The following ANTXRL variants were observed in gnomAD, a reference collection of about 807,000 sequenced individuals.
ANTXRL encodes the protein anthrax toxin receptor-like.
Under a neutral mutation model 75.4 loss-of-function variants are expected in ANTXRL, and 63 were observed. That is an observed-to-expected ratio of 0.84 (90% confidence interval 0.68 to 1.03). The LOEUF is 1.03. Among genes scored for constraint, ANTXRL ranks in the 50% least tolerant of loss-of-function variants. The probability of loss-of-function intolerance (pLI) is 0.00; values close to 1 mark genes in which losing one functional copy is unlikely to be tolerated. For synonymous variants in ANTXRL, 335 were observed against 291.3 expected, an observed-to-expected ratio of 1.15 and a Z score of -1.53; for missense variants, 797 against 789.4, an observed-to-expected ratio of 1.01 and a Z score of -0.12.
intron 16 of ANTXRL, 136 bp downstream of exon 16, chr10:46,313,452 G>A (rs1320894708): frequency 3.4e-6 from 3 of 879,430 alleles, no homozygotes; most frequent in African/African-American, 3.3e-5. Context: ...ACACAGAAAC[G>A]GTGCCCATGG....
chr10:46,325,748 G>A (rs983949001), intron 16 of ANTXRL, among the ~76,000 whole-genome samples: 2 of 151,998 alleles, frequency 1.3e-5, no homozygotes, highest in Admixed American at 6.6e-5. Context: ...ATTTTTTCTG[G>A]AACAATCTTA....
chr10:46,292,387 G>C (rs72790440), intron 2 of ANTXRL, among the ~76,000 whole-genome samples: 25,422 of 151,822 alleles, frequency 0.17, 1,802 homozygotes, highest in Non-Finnish European at 0.19. Context: ...GACATCACAC[G>C]CTGGGAAGGG....
rs1839406988 is a variant in ANTXRL at position 46,329,814 on chromosome 10, G to C, written c.1626G>C (p.Glu542Asp). The C allele has an allele frequency of 6.5e-7, 1 of 1,533,090 alleles. No homozygotes were observed. Among genetic ancestry groups the C allele is most frequent in the South Asian group, 1.2e-5 (1 of 83,868 alleles). The allele number at this position is 1,533,090 out of a possible 1,614,324, so 95.0% of individuals were successfully genotyped here. A position where few individuals can be genotyped will look rare whatever the true frequency, so the allele number is the denominator to read the frequency against. ...ICLRHSQHSR[E>D]CLARKQAPCS... is the part of the protein sequence containing the mutation. ...TGAGACACAGCCAACACAGCAGGGA[G>C]TGCCTTGCCCGCAAACAGGCTCCCT... Residue 542 changes from glutamate (E) to aspartate (D), a missense_variant, in exon 17 of 17, where the codon GAG (glutamate) becomes GAC (aspartate). By Grantham distance (45) the Glu-to-Asp change is conservative. Transcript: ENST00000620264.
At chr10:46,314,175 C>T (rs1343040775) in intron 16 of ANTXRL, among the ~76,000 whole-genome samples, 2 of 152,194 alleles carry the variant, frequency 1.3e-5, no homozygotes, top group African/African-American at 4.8e-5. Context: ...AGGCTGCAAG[C>T]CTCTGGATGC....
At position 46,293,889 on chromosome 10, in the gene ANTXRL, C is replaced by T. The variant is rs1554957675; in HGVS notation, c.381C>T (p.Leu127=). 1 of 1,535,624 alleles carries T rather than the reference C, an allele frequency of 6.5e-7. No homozygotes were observed. Residue 127 remains leucine (L), a synonymous_variant, in exon 3 of 17, where the codon CTC becomes CTT. Transcript: ENST00000620264. ...CAGACGGCCAGACTGTCTTGCCACT[C>T]ACCTCAGACAAGTGAGTGCTGCTTT... ...YSTDGQTVLP[L]TSDKNRIKNG... is the part of the protein sequence containing the mutation.
chr10:46,320,548 A>G (rs1377284359), intron 16 of ANTXRL, among the ~76,000 whole-genome samples: 51 of 152,160 alleles, frequency 3.4e-4, no homozygotes, highest in Admixed American at 3.3e-3. Context: ...CCTGGCCAAC[A>G]TGGCAAAACC....
chr10:46,300,516 TC>T (rs1554960233), intron 9 of ANTXRL, among the ~76,000 whole-genome samples: 23 of 151,938 alleles, frequency 1.5e-4, no homozygotes, highest in East Asian at 5.8e-4. Flanking sequence ...GGCATCTCCC[TC>T]TCCAGCCTGG....
chr10:46,309,424 G>A (rs1307214908), intron 13 of ANTXRL, among the ~76,000 whole-genome samples: 1 of 152,222 alleles, frequency 6.6e-6, no homozygotes, highest in East Asian at 1.9e-4. Context: ...GCCACAGAGA[G>A]CTGGCCTGGA....
intron 1 of ANTXRL, among the ~76,000 whole-genome samples, chr10:46,287,853 G>A (rs1202309647): frequency 6.6e-6 from 1 of 152,118 alleles, no homozygotes; most frequent in Non-Finnish European, 1.5e-5. Flanking sequence ...TGCTCACTGC[G>A]GATGTTTGGG....
chr10:46,309,199 G>A lies in ANTXRL; in HGVS notation c.1131G>A (p.Lys377=), dbSNP rs371438578. The A allele has an allele frequency of 2.5e-5, 38 of 1,535,290 alleles. No homozygotes were observed. Among genetic ancestry groups the A allele is most frequent in the Middle Eastern group, 3.4e-4 (2 of 5,956 alleles). The change falls in exon 13 of 17, where the codon AAG becomes AAA. Residue 377 remains lysine, a synonymous_variant. Transcript: ENST00000620264. The part of the protein sequence containing the change: ...LLCCVWRLCR[K]QTVKEPPPVQ... ...GTTGTGTCTGGCGGCTGTGCCGCAA[G>A]CAGGCAAGTGCTCCCTGCCCGCCCA...
In ANTXRL at chr10:46,310,557, C is replaced by T. The variant is rs147351520; in HGVS notation, c.1173+58C>T. 63 of 1,496,586 alleles carry T rather than the reference C, an allele frequency of 4.2e-5. No homozygotes were observed. The African/African-American group carries it at 7.3e-4, about 17-fold the overall frequency. The allele number at this position is 1,496,586 out of a possible 1,614,324, so 92.7% of individuals were successfully genotyped here. On this transcript the variant is annotated intron_variant, in intron 14 of 16. Coordinates refer to ENST00000620264, the MANE Select transcript of ANTXRL (RefSeq NM_001278688.3). The stretch of plus-strand genomic sequence containing the variant: ...ATCCCAAGGAGCCCACTGACCTTCA[C>T]CAAGAGTGCCATGAAGCCTGCGCCC...
intron 16 of ANTXRL, among the ~76,000 whole-genome samples, chr10:46,328,767 G>C (rs1322451280): frequency 6.6e-6 from 1 of 152,072 alleles, no homozygotes; most frequent in Non-Finnish European, 1.5e-5. Flanking sequence ...AAGACAGGAA[G>C]AATGGACTTG....
At chr10:46,319,897 C>T (rs1287875009) in intron 16 of ANTXRL, among the ~76,000 whole-genome samples, 1 of 152,076 alleles carries the variant, frequency 6.6e-6, no homozygotes, top group African/African-American at 2.4e-5. Context: ...TCTGTAGTAA[C>T]AAAATCAGAG....
At chr10:46,327,855 A>T (rs559491428) in intron 16 of ANTXRL, among the ~76,000 whole-genome samples, 28 of 152,248 alleles carry the variant, frequency 1.8e-4, no homozygotes, top group Non-Finnish European at 3.1e-4. Context: ...CAGAAGGAGC[A>T]GAACAGGCCC....
chr10:46,296,351 C>T, intron 5 of ANTXRL, 99 bp downstream of exon 5: 1 of 1,355,778 alleles, frequency 7.4e-7, no homozygotes, highest in South Asian at 1.3e-5. Flanking sequence ...GCCACACCTG[C>T]CCTGCCTCTT....
chr10:46,308,851 C>T (rs1311250581), intron 12 of ANTXRL, among the ~76,000 whole-genome samples: 2 of 152,190 alleles, frequency 1.3e-5, no homozygotes, highest in East Asian at 1.9e-4. Context: ...GTGCTGCAGG[C>T]GAGGTGTGCA....
At position 46,321,314 on chromosome 10, in the gene ANTXRL, T is replaced by A. The variant is rs1405820430; in HGVS notation, c.1410+7998T>A. ...TGAGGGGAAAAGACAAAAACTTAAGTTTTCCATGATGTCAGAGAAATCTTA... is the reference window on the plus strand; with the variant it reads ...TGAGGGGAAAAGACAAAAACTTAAGATTTCCATGATGTCAGAGAAATCTTA... On this transcript the variant is annotated intron_variant, in intron 16 of 16. Coordinates refer to ENST00000620264, the MANE Select transcript of ANTXRL (RefSeq NM_001278688.3). Among the ~76,000 whole-genome samples, 4 of 152,136 alleles carry A rather than the reference T, an allele frequency of 2.6e-5. No homozygotes were observed. In the East Asian group the frequency reaches 7.7e-4, roughly 29 times the overall value.
At chr10:46,321,752 T>C (rs1230591305) in intron 16 of ANTXRL, among the ~76,000 whole-genome samples, 4 of 152,122 alleles carry the variant, frequency 2.6e-5, no homozygotes, top group Non-Finnish European at 4.4e-5. Context: ...GGGAGAGGCA[T>C]GCGGTTCTGT....
chr10:46,295,015 C>G (rs1565018110), intron 3 of ANTXRL, among the ~76,000 whole-genome samples: 1 of 152,178 alleles, frequency 6.6e-6, no homozygotes, highest in African/African-American at 2.4e-5. Flanking sequence ...TCCTGACTGC[C>G]CCAGCCCATT....
Sources: gnomAD v4.1 joint callset for allele counts (sites outside exome capture counted in the v4.1 genomes callset) on GRCh38, gnomAD v4.1.1 for gene constraint, MANE v1.5 for transcripts, NCBI Gene and HGNC (gene_info 2026-07-23, HGNC 2026-07-21) for gene names.